Variants in TANC2 observed in about 807,000 individuals in gnomAD.
TANC2 encodes the protein tetratricopeptide repeat, ankyrin repeat and coiled-coil containing 2.
Under a neutral mutation model 210.5 loss-of-function variants are expected in TANC2, and 26 were observed. The ratio of observed to expected loss-of-function variants is 0.12; its 90% CI spans 0.09 to 0.17. TANC2 has a LOEUF of 0.17. Ranked by LOEUF, TANC2 falls within the 10% of genes least tolerant of loss-of-function variation. The pLI, the probability that TANC2 is intolerant of heterozygous loss-of-function variation, is 1.00. For synonymous variants in TANC2, 931 were observed against 967.1 expected, an observed-to-expected ratio of 0.96 and a Z score of 0.69; for missense variants, 2,129 against 2,608.9, an observed-to-expected ratio of 0.82 and a Z score of 4.01.
At chr17:63,085,114 C>T (rs532741256) in intron 3 of TANC2, among the ~76,000 whole-genome samples, 18 of 152,154 alleles carry the variant, frequency 1.2e-4, no homozygotes, top group Non-Finnish European at 2.4e-4. Context: ...TCTATTTATC[C>T]GTGTAGTTCT....
chr17:63,206,916 A>G (rs947599718), intron 7 of TANC2, among the ~76,000 whole-genome samples: 2 of 152,184 alleles, frequency 1.3e-5, no homozygotes, highest in African/African-American at 2.4e-5. Context: ...TTTTAAAAGA[A>G]TATTTATTAA....
At chr17:63,236,323 G>A (rs770711251) in intron 7 of TANC2, among the ~76,000 whole-genome samples, 2 of 151,996 alleles carry the variant, frequency 1.3e-5, no homozygotes, top group Non-Finnish European at 2.9e-5. Context: ...AAATAGAGTT[G>A]TTGAAATATG....
At chr17:63,017,899 T>A (rs916719825) in intron 2 of TANC2, among the ~76,000 whole-genome samples, 3 of 152,042 alleles carry the variant, frequency 2.0e-5, no homozygotes, top group Non-Finnish European at 4.4e-5. Flanking sequence ...CCCAGCACTT[T>A]GGGAGGCCAG....
At chr17:63,233,225 A>G (rs2042528468) in intron 7 of TANC2, among the ~76,000 whole-genome samples, 1 of 151,632 alleles carries the variant, frequency 6.6e-6, no homozygotes, top group Admixed American at 6.6e-5. Context: ...CCCCCTGGGA[A>G]CTCGGTAGTC....
chr17:63,139,632 G>A (rs528348977), intron 4 of TANC2, among the ~76,000 whole-genome samples: 2 of 152,200 alleles, frequency 1.3e-5, no homozygotes, highest in Non-Finnish European at 2.9e-5. Context: ...GCCACTGGGC[G>A]TGGTGGTTCA....
intron 9 of TANC2, among the ~76,000 whole-genome samples, chr17:63,277,596 A>G (rs181265872): frequency 6.6e-6 from 1 of 152,214 alleles, no homozygotes; most frequent in East Asian, 1.9e-4. Context: ...GCAGTTTTGA[A>G]GAAAACAAGT....
chr17:63,384,538 T>C (rs1031863453), intron 15 of TANC2, among the ~76,000 whole-genome samples: 4 of 152,092 alleles, frequency 2.6e-5, no homozygotes, highest in Admixed American at 2.0e-4. Flanking sequence ...TTAATAGTTA[T>C]ATATATAAAT....
rs540710843 is a variant in TANC2, at chr17:63,053,551, TC to T, written c.68-20391del. On this transcript the variant is annotated intron_variant, in intron 2 of 27. Transcript: ENST00000689528. ...TCTTAGTCCTCTGACCTCTTTTCTC[TC>T]TTTTTGTGTCTCATTCTTGTATATA... 4.6e-5 allele frequency among the ~76,000 whole-genome samples: 7 copies of T among 152,358 alleles called. No homozygotes were observed. The East Asian group carries it at 1.3e-3, about 29-fold the overall frequency.
At chr17:63,384,228 C>T (rs939080580) in intron 15 of TANC2, among the ~76,000 whole-genome samples, 1 of 152,098 alleles carries the variant, frequency 6.6e-6, no homozygotes, top group African/African-American at 2.4e-5. Context: ...CAGTACTACA[C>T]CTGGCTAATT....
chr17:63,398,261 A>G (rs1198208707), intron 18 of TANC2, among the ~76,000 whole-genome samples: 2 of 152,138 alleles, frequency 1.3e-5, no homozygotes, highest in African/African-American at 4.8e-5. Flanking sequence ...CCTGGACAAC[A>G]TGGCAAGACC....
chr17:63,346,740 CTG>C (rs1200875948), intron 12 of TANC2, among the ~76,000 whole-genome samples: 1 of 152,190 alleles, frequency 6.6e-6, no homozygotes, highest in Non-Finnish European at 1.5e-5. Context: ...GTCTCTCACT[CTG>C]TAGCCAAGCT....
At chr17:63,379,927 C>G in intron 15 of TANC2, 101 bp downstream of exon 15, 1 of 1,015,898 alleles carries the variant, frequency 9.8e-7, no homozygotes, top group Non-Finnish European at 1.5e-6. Context: ...TTCTGAAGTT[C>G]TTTTGCTGCA....
rs116447818 is a variant in TANC2 at position 63,379,680 on chromosome 17, A to T, written c.2583-38A>T. 3,350 of 1,477,238 alleles carry T rather than the reference A, an allele frequency of 2.3e-3. 23 individuals carry two copies. Among genetic ancestry groups the T allele is most frequent in the African/African-American group, 0.018 (1,227 of 69,828 alleles). The allele number at this position is 1,477,238 out of a possible 1,614,324, so 91.5% of individuals were successfully genotyped here. A position where few individuals can be genotyped will look rare whatever the true frequency, so the allele number is the denominator to read the frequency against. ...TGAGACTCCATCTCAATAAATAAAT[A>T]AATTAATTAATTAAAATGAATTTCT... On this transcript the variant is annotated intron_variant, in intron 14 of 27. Coordinates refer to ENST00000689528, the Ensembl canonical transcript of TANC2.
At chr17:63,339,440 G>A (rs1013965235) in intron 11 of TANC2, among the ~76,000 whole-genome samples, 1 of 152,126 alleles carries the variant, frequency 6.6e-6, no homozygotes, top group Non-Finnish European at 1.5e-5. Context: ...ACCCTGGATG[G>A]TATTAATGCT....
At chr17:63,189,471 C>T (rs77610157) in intron 5 of TANC2, among the ~76,000 whole-genome samples, 4,108 of 152,262 alleles carry the variant, frequency 0.027, 86 homozygotes, top group Non-Finnish European at 0.035. Flanking sequence ...CTTGATATCT[C>T]CTTGTGGTTT....
At chr17:63,387,936 A>G (rs1361074259) in intron 15 of TANC2, 2 of 152,206 alleles carry the variant, frequency 1.3e-5, no homozygotes, top group East Asian at 1.9e-4. Context: ...ACTAGCTGCT[A>G]TTGACAAACC....
chr17:63,307,116 G>A lies in TANC2; in HGVS notation c.1160-7272G>A, dbSNP rs114664400. 3.5e-3 allele frequency among the ~76,000 whole-genome samples: 539 copies of A among 152,262 alleles called. 6 individuals are homozygous for A. The highest frequency in any genetic ancestry group is 0.013 in the African/African-American group (528 of 41,534). On this transcript the variant is annotated intron_variant, in intron 9 of 27. Coordinates refer to ENST00000689528, the Ensembl canonical transcript of TANC2. ...ATGCCTGCAGGGGTAGGTAGGCAGG[G>A]TCCAAATCATCTAGAGCCTTGAGCA...
chr17:63,108,389 A>G (rs1255221180), intron 4 of TANC2, among the ~76,000 whole-genome samples: 3 of 152,028 alleles, frequency 2.0e-5, no homozygotes, highest in East Asian at 3.9e-4. Flanking sequence ...CATATACCCC[A>G]TAAATATGTA....
intron 21 of TANC2, among the ~76,000 whole-genome samples, chr17:63,410,833 C>T (rs192397081): frequency 1.8e-4 from 21 of 119,906 alleles, no homozygotes; most frequent in African/African-American, 6.8e-4. Context: ...TGCACTCCAG[C>T]CAGGGCAACG....
Sources: allele counts gnomAD v4.1 joint callset (sites outside exome capture counted in the v4.1 genomes callset), GRCh38; gene constraint gnomAD v4.1.1; transcripts MANE v1.5; gene names NCBI Gene and HGNC (gene_info 2026-07-23, HGNC 2026-07-21).